The following NRG3 variants were observed in gnomAD, a reference collection of about 807,000 sequenced individuals.
NRG3 encodes neuregulin 3.
A neutral mutation model predicts 66.9 loss-of-function variants in NRG3; 31 were observed. The ratio of observed to expected loss-of-function variants is 0.46; its 90% confidence interval spans 0.35 to 0.63. NRG3 has a LOEUF of 0.63. Ranked by LOEUF, NRG3 falls within the 20% of genes least tolerant of loss-of-function variation. The probability of loss-of-function intolerance (pLI) is 0.00; values close to 1 mark genes in which losing one functional copy is unlikely to be tolerated. For synonymous variants in NRG3, 393 were observed against 359.4 expected (o/e 1.09, Z -1.06); for missense variants, 910 against 878.9 (o/e 1.04, Z -0.45).
At chr10:82,023,539 A>G (rs1052956714) in intron 1 of NRG3, among the ~76,000 whole-genome samples, 1 of 151,992 alleles carries the variant, frequency 6.6e-6, no homozygotes, top group African/African-American at 2.4e-5. Context: ...TCTTCTGTAC[A>G]CAATTTGTTG....
chr10:81,901,699 T>C (rs985136120), intron 1 of NRG3, among the ~76,000 whole-genome samples: 1 of 152,120 alleles, frequency 6.6e-6, no homozygotes, highest in Non-Finnish European at 1.5e-5. Context: ...AATACATAGC[T>C]TATGTATCTG....
At chr10:82,624,032 C>T (rs553013866) in intron 2 of NRG3, among the ~76,000 whole-genome samples, 16 of 152,104 alleles carry the variant, frequency 1.1e-4, no homozygotes, top group Non-Finnish European at 1.9e-4. Flanking sequence ...TGCTTTGAGA[C>T]AGAAAAACTT....
chr10:82,118,321 G>A (rs868378315), intron 1 of NRG3, among the ~76,000 whole-genome samples: 1 of 151,758 alleles, frequency 6.6e-6, no homozygotes, highest in Non-Finnish European at 1.5e-5. Flanking sequence ...TCTGATTCAT[G>A]CCTCTGTTAA....
chr10:82,909,941 T>A (rs1014025071), intron 4 of NRG3, among the ~76,000 whole-genome samples: 6 of 152,156 alleles, frequency 3.9e-5, no homozygotes, highest in Non-Finnish European at 7.3e-5. Flanking sequence ...GGATAAACTG[T>A]TGAAATTCTA....
chr10:82,239,004 T>G (rs1328983675), intron 1 of NRG3, among the ~76,000 whole-genome samples: 1 of 149,712 alleles, frequency 6.7e-6, no homozygotes, highest in Non-Finnish European at 1.5e-5. Flanking sequence ...TTCTCATGGT[T>G]TTTTCTTATA....
rs115686753 is a variant in NRG3 at position 82,123,396 on chromosome 10, G to T, written c.824-235343G>T. 2.4e-3 allele frequency among the ~76,000 whole-genome samples: 359 copies of T among 152,114 alleles called. 2 individuals carry two copies. The highest frequency in any genetic ancestry group is 8.3e-3 in the African/African-American group (344 of 41,514). On this transcript the variant is annotated intron_variant, in intron 1 of 8. Coordinates refer to ENST00000372141, the MANE Select transcript of NRG3 (RefSeq NM_001010848.4). Reference sequence around the variant, plus strand: ...GTGCCAAATGCCAGCCTTGAGTTTCGTGCTTTTAAGTAGAGGTATAGAAAA... The same window carrying T: ...GTGCCAAATGCCAGCCTTGAGTTTCTTGCTTTTAAGTAGAGGTATAGAAAA...
chr10:82,978,829 T>C, intron 7 of NRG3, 121 bp from the exon 8 acceptor site: 3 of 1,018,712 alleles, frequency 2.9e-6, no homozygotes, highest in Non-Finnish European at 4.3e-6. Flanking sequence ...GGCCCTGGCC[T>C]AGAACTTTGA....
chr10:82,104,577 A>G (rs1486329003), intron 1 of NRG3, among the ~76,000 whole-genome samples: 2 of 152,224 alleles, frequency 1.3e-5, no homozygotes, highest in Non-Finnish European at 2.9e-5. Context: ...ATGTTATAGG[A>G]ATGTGCTGTG....
intron 2 of NRG3, among the ~76,000 whole-genome samples, chr10:82,520,928 G>T (rs967109815): frequency 6.6e-6 from 1 of 151,962 alleles, no homozygotes; most frequent in Non-Finnish European, 1.5e-5. Flanking sequence ...ATTTTCTACA[G>T]GATTGCCAGT....
intron 1 of NRG3, among the ~76,000 whole-genome samples, chr10:82,247,932 C>CAAT (rs1367617389): frequency 6.6e-6 from 1 of 152,096 alleles, no homozygotes; most frequent in East Asian, 1.9e-4. Flanking sequence ...CTAGCAATAA[C>CAAT]AATAATAATA....
At chr10:82,402,645 C>G (rs2087195627) in intron 2 of NRG3, among the ~76,000 whole-genome samples, 1 of 152,138 alleles carries the variant, frequency 6.6e-6, no homozygotes, top group Non-Finnish European at 1.5e-5. Flanking sequence ...TTCAGTATCA[C>G]TAACCTGAAT....
At chr10:82,627,513 A>C (rs671631) in intron 2 of NRG3, among the ~76,000 whole-genome samples, 130,762 of 152,068 alleles carry the variant, frequency 0.86, 56,299 homozygotes, top group Middle Eastern at 0.93. Flanking sequence ...AATAACCTCA[A>C]ATAATTCAAA....
intron 1 of NRG3, among the ~76,000 whole-genome samples, chr10:82,325,578 A>G (rs1157507114): frequency 6.0e-5 from 9 of 150,842 alleles, no homozygotes; most frequent in Non-Finnish European, 2.9e-5. Context: ...GCAGCATATA[A>G]TTGGGTCTTG....
chr10:82,204,435 A>G (rs974962583), intron 1 of NRG3, among the ~76,000 whole-genome samples: 1 of 152,166 alleles, frequency 6.6e-6, no homozygotes. Flanking sequence ...TGGCTCAGTC[A>G]GTGGAGGACA....
chr10:82,536,915 G>T (rs1284193028), intron 2 of NRG3, among the ~76,000 whole-genome samples: 1 of 151,280 alleles, frequency 6.6e-6, no homozygotes. Context: ...ACTAAATGAA[G>T]AATGAGGATT....
At chr10:82,813,065 A>G (rs59659336) in intron 3 of NRG3, among the ~76,000 whole-genome samples, 1,973 of 152,284 alleles carry the variant, frequency 0.013, 45 homozygotes, top group African/African-American at 0.046. Context: ...GCAGGTATCA[A>G]TCTTTGAAAC....
At chr10:82,707,672 G>A (rs897298585) in intron 2 of NRG3, among the ~76,000 whole-genome samples, 2 of 151,478 alleles carry the variant, frequency 1.3e-5, no homozygotes, top group Non-Finnish European at 2.9e-5. Flanking sequence ...GGGATTACAG[G>A]TGTGAGCCAC....
At chr10:82,019,745 C>G (rs991152202) in intron 1 of NRG3, among the ~76,000 whole-genome samples, 2 of 152,116 alleles carry the variant, frequency 1.3e-5, no homozygotes, top group Non-Finnish European at 2.9e-5. Context: ...ATAGTATTCT[C>G]TGATGGTAGT....
At chr10:82,449,690 C>T (rs1057411695) in intron 2 of NRG3, among the ~76,000 whole-genome samples, 1 of 152,176 alleles carries the variant, frequency 6.6e-6, no homozygotes, top group Non-Finnish European at 1.5e-5. Context: ...TCAGGACCTC[C>T]TCACATGGGG....
Sources: allele counts gnomAD v4.1 joint callset (sites outside exome capture counted in the v4.1 genomes callset), GRCh38; gene constraint gnomAD v4.1.1; transcripts MANE v1.5; gene names NCBI Gene and HGNC (gene_info 2026-07-23, HGNC 2026-07-21).